CDH13: variants seen among roughly 807,000 people sequenced by gnomAD.
CDH13 encodes cadherin-13.
Under a neutral mutation model 63.8 loss-of-function variants are expected in CDH13, and 24 were observed. The ratio of observed to expected loss-of-function variants is 0.38; its 90% CI spans 0.27 to 0.53. The LOEUF is 0.53. CDH13 is among the 20% of genes least tolerant of loss of function. CDH13 has a pLI of 0.85. For synonymous variants in CDH13, 503 were observed against 355.3 expected, an observed-to-expected ratio of 1.42 and a Z score of -4.67; for missense variants, 1,049 against 903.1, an observed-to-expected ratio of 1.16 and a Z score of -2.07.
chr16:83,379,233 G>A (rs116922492), intron 6 of CDH13, among the ~76,000 whole-genome samples: 2,447 of 152,264 alleles, frequency 0.016, 36 homozygotes, highest in Middle Eastern at 0.044. Flanking sequence ...ATATGGTTTA[G>A]AAGGGCACTG....
At chr16:83,774,531 C>T (rs1387934358) in intron 11 of CDH13, among the ~76,000 whole-genome samples, 1 of 152,102 alleles carries the variant, frequency 6.6e-6, no homozygotes, top group Non-Finnish European at 1.5e-5. Context: ...TGCCATCATG[C>T]CCAGCTAATT....
At position 82,690,479 on chromosome 16, in the gene CDH13, C is replaced by T. The variant is rs551391808; in HGVS notation, c.45+63342C>T. Among the ~76,000 whole-genome samples, 14 of 152,152 alleles carry T rather than the reference C, an allele frequency of 9.2e-5. No homozygotes were observed. In the East Asian group the frequency reaches 2.5e-3, roughly 27 times the overall value. On this transcript the variant is annotated intron_variant, in intron 1 of 13. Transcript: ENST00000567109. ...CTGTCTTTACACATTTATTGATGAT[C>T]CAGAAGAGGAAGCACACAAGTTTGT...
intron 8 of CDH13, among the ~76,000 whole-genome samples, chr16:83,620,076 A>T (rs1909666734): frequency 6.6e-6 from 1 of 151,974 alleles, no homozygotes; most frequent in Non-Finnish European, 1.5e-5. Flanking sequence ...TGCATGGGGA[A>T]GACATTGGCA....
intron 8 of CDH13, among the ~76,000 whole-genome samples, chr16:83,624,206 T>A (rs1212371567): frequency 1.3e-5 from 2 of 152,150 alleles, no homozygotes; most frequent in Admixed American, 1.3e-4. Context: ...TGATGCCTTA[T>A]ACACAAAGGC....
At chr16:83,523,427 G>A (rs2151622469) in intron 7 of CDH13, among the ~76,000 whole-genome samples, 1 of 152,224 alleles carries the variant, frequency 6.6e-6, no homozygotes, top group African/African-American at 2.4e-5. Flanking sequence ...TTAAGCCCAA[G>A]GCTCTGTCTT....
At chr16:83,162,624 C>T (rs2037495883) in intron 4 of CDH13, among the ~76,000 whole-genome samples, 1 of 150,774 alleles carries the variant, frequency 6.6e-6, no homozygotes, top group African/African-American at 2.4e-5. Context: ...CTGAAGAGGT[C>T]CTCAAATTTC....
chr16:82,759,575 ATGTATACACATATATAATATATATG>A (rs2034750785), intron 1 of CDH13, among the ~76,000 whole-genome samples: 1 of 150,390 alleles, frequency 6.6e-6, no homozygotes, highest in Non-Finnish European at 1.5e-5. Context: ...TAATATACAT[ATGTATACACATATATAATATATATG>A]TATAATATAA....
chr16:83,755,135 G>T (rs1482761761), intron 11 of CDH13, among the ~76,000 whole-genome samples: 2 of 152,120 alleles, frequency 1.3e-5, no homozygotes, highest in African/African-American at 2.4e-5. Flanking sequence ...AATTACACAA[G>T]AGATCTGAAA....
intron 5 of CDH13, among the ~76,000 whole-genome samples, chr16:83,321,430 C>G (rs1225433632): frequency 6.6e-6 from 1 of 151,696 alleles, no homozygotes; most frequent in Non-Finnish European, 1.5e-5. Context: ...GTTAACTACA[C>G]AGTTATTTTT....
intron 2 of CDH13, among the ~76,000 whole-genome samples, chr16:82,879,685 TATA>T (rs953584224): frequency 1.4e-5 from 2 of 138,934 alleles, no homozygotes; most frequent in African/African-American, 5.3e-5. Flanking sequence ...AATTATAATA[TATA>T]ATAATATAAC....
At chr16:83,343,152 A>G (rs188328438) in intron 5 of CDH13, among the ~76,000 whole-genome samples, 86 of 152,212 alleles carry the variant, frequency 5.7e-4, no homozygotes, top group African/African-American at 1.9e-3. Context: ...ATTTGCTGGT[A>G]AAAGGATGAA....
chr16:83,226,852 TG>T (rs113587908), intron 5 of CDH13, among the ~76,000 whole-genome samples: 6,437 of 152,212 alleles, frequency 0.042, 150 homozygotes, highest in African/African-American at 0.067. Flanking sequence ...AGGGGCACGG[TG>T]GGGGACCATC....
rs148058701 is a variant in CDH13, at chr16:83,694,856, C to T, written c.1538+16395C>T. Among the ~76,000 whole-genome samples, 15 of 152,124 alleles carry T rather than the reference C, an allele frequency of 9.9e-5. No individual in the cohort carries two copies. In the East Asian group the frequency reaches 2.9e-3, roughly 29 times the overall value. ...TTGGTCATAAGCTTTAAGGGGATAC[C>T]GAAAAACTCAATCATCCAGATAGAT... On this transcript the variant is annotated intron_variant, in intron 10 of 13. Transcript: ENST00000567109.
intron 5 of CDH13, among the ~76,000 whole-genome samples, chr16:83,224,687 C>T (rs1386358972): frequency 1.3e-5 from 2 of 152,198 alleles, no homozygotes; most frequent in African/African-American, 2.4e-5. Context: ...AAGAGGTGAA[C>T]ATTGGCAATT....
intron 2 of CDH13, among the ~76,000 whole-genome samples, chr16:82,974,401 C>G (rs1476677454): frequency 6.6e-6 from 1 of 152,154 alleles, no homozygotes; most frequent in Non-Finnish European, 1.5e-5. Flanking sequence ...ATAACTGCAG[C>G]AATACCCTTT....
At chr16:82,866,293 C>T (rs2040135283) in intron 2 of CDH13, among the ~76,000 whole-genome samples, 1 of 151,274 alleles carries the variant, frequency 6.6e-6, no homozygotes, top group Non-Finnish European at 1.5e-5. Flanking sequence ...TTTGCTTCCT[C>T]ATTTTTGGGT....
intron 5 of CDH13, among the ~76,000 whole-genome samples, chr16:83,309,285 C>T (rs1248684733): frequency 1.3e-5 from 2 of 152,070 alleles, no homozygotes; most frequent in African/African-American, 4.8e-5. Context: ...GGGAAAAGAT[C>T]TATATCGAAG....
intron 3 of CDH13, among the ~76,000 whole-genome samples, chr16:83,046,497 G>C (rs1917796426): frequency 6.6e-6 from 1 of 152,138 alleles, no homozygotes; most frequent in Non-Finnish European, 1.5e-5. Context: ...TATATGTTTT[G>C]AGAATTTTAT....
At chr16:83,158,717 C>T (rs1035146935) in intron 4 of CDH13, among the ~76,000 whole-genome samples, 2 of 152,218 alleles carry the variant, frequency 1.3e-5, no homozygotes, top group African/African-American at 2.4e-5. Context: ...GCTCCATGGC[C>T]AGGAAGGTGC....
Sources: allele counts gnomAD v4.1 joint callset (sites outside exome capture counted in the v4.1 genomes callset), GRCh38; gene constraint gnomAD v4.1.1; transcripts MANE v1.5; gene names NCBI Gene and HGNC (gene_info 2026-07-23, HGNC 2026-07-21).